Variants in PTK2 observed in about 807,000 individuals in gnomAD.
PTK2 encodes the protein protein tyrosine kinase 2, also known as focal adhesion kinase 1.
In PTK2, 45 loss-of-function variants were observed where a neutral mutation model predicts 150.1. The observed-to-expected ratio is 0.30, with a 90% CI of 0.24 to 0.38. The LOEUF (loss-of-function observed/expected upper bound fraction) is 0.38. PTK2 is among the 10% of genes least tolerant of loss of function. PTK2 has a pLI of 1.00. For synonymous variants in PTK2, 432 were observed against 449.2 expected (o/e 0.96, Z 0.48); for missense variants, 919 against 1,307.3 (o/e 0.70, Z 4.58).
At chr8:140,800,568 T>C (rs560371146) in exon 12 of PTK2, 9 of 1,612,106 alleles carry the variant, frequency 5.6e-6, no homozygotes, top group African/African-American at 5.3e-5. Context: ...GTGCCGTCAC[T>C]GTCAGAGGCT....
At chr8:140,862,797 G>A (rs1486773183) in intron 5 of PTK2, among the ~76,000 whole-genome samples, 1 of 152,164 alleles carries the variant, frequency 6.6e-6, no homozygotes, top group African/African-American at 2.4e-5. Flanking sequence ...CTGATGATCT[G>A]AGGTCAAACA....
At position 140,715,714 on chromosome 8, in the gene PTK2, C is replaced by A. The variant is rs541989189; in HGVS notation, c.2142+1884G>T. Among the ~76,000 whole-genome samples the A allele has an allele frequency of 4.5e-4, 68 of 151,890 alleles. No homozygotes were observed. The South Asian group carries it at 9.0e-3, about 20-fold the overall frequency. ...CTCATCTGTTTACTTAACAAATAAA[C>A]CTTTGTGTAGAGTGCAGCAATCTGC... On this transcript the variant is annotated intron_variant, in intron 23 of 31. Coordinates refer to ENST00000522684, the Ensembl canonical transcript of PTK2.
chr8:140,864,554 A>C (rs1411556197), intron 4 of PTK2, among the ~76,000 whole-genome samples, 155 bp from the exon 5 acceptor site: 2 of 152,250 alleles, frequency 1.3e-5, no homozygotes, highest in Admixed American at 1.3e-4. Context: ...TGTAATTTTT[A>C]AACATTTTAG....
chr8:140,807,429 A>G (rs1354373236), intron 10 of PTK2, among the ~76,000 whole-genome samples: 1 of 152,234 alleles, frequency 6.6e-6, no homozygotes, highest in African/African-American at 2.4e-5. Flanking sequence ...AGCACAAGGC[A>G]GCTGCACACA....
intron 3 of PTK2, among the ~76,000 whole-genome samples, chr8:140,888,271 T>C (rs1176858304): frequency 6.6e-6 from 1 of 152,222 alleles, no homozygotes; most frequent in African/African-American, 2.4e-5. Context: ...CACTCATTAA[T>C]TTACAATTAT....
intron 1 of PTK2, chr8:140,954,939 C>T (rs2100180743): frequency 6.6e-6 from 1 of 151,834 alleles, no homozygotes; most frequent in Non-Finnish European, 1.5e-5. Flanking sequence ...CACTGCTTAC[C>T]ATACTTACTG....
In PTK2 at chr8:141,000,127, C is replaced by CACACACACACACACACACACACACACA. The variant is rs58481152; in HGVS notation, c.-122+997_-122+998insTGTGTGTGTGTGTGTGTGTGTGTGTGT. Among the ~76,000 whole-genome samples the CACACACACACACACACACACACACACA allele has an allele frequency of 3.8e-3, 468 of 123,776 alleles. 6 individuals carry two copies. The highest frequency in any genetic ancestry group is 4.4e-3 in the African/African-American group (153 of 35,064). 81.2% of individuals were successfully genotyped at this position (123,776 alleles called of 152,430 possible). ...CACACACACACACACACACACACAC[C>CACACACACACACACACACACACACACA]CCTTCTTCTAAGAAAGAACAGGATG... On this transcript the variant is annotated intron_variant, in intron 1 of 31. Transcript: ENST00000522684.
chr8:140,719,473 G>A (rs1356089093), intron 22 of PTK2, among the ~76,000 whole-genome samples: 4 of 152,030 alleles, frequency 2.6e-5, no homozygotes, highest in African/African-American at 9.7e-5. Flanking sequence ...AGGAGCAGAG[G>A]GGTCCTGAGA....
At chr8:140,664,987 A>C (rs2088653351) in exon 31 of PTK2, 1 of 1,613,812 alleles carries the variant, frequency 6.2e-7, no homozygotes, top group African/African-American at 1.3e-5. Flanking sequence ...CCTCAGGGCC[A>C]AGCCGACTTC....
At chr8:140,742,078 A>C (rs2100056040) in intron 20 of PTK2, among the ~76,000 whole-genome samples, 1 of 152,054 alleles carries the variant, frequency 6.6e-6, no homozygotes. Context: ...CGAGACTGTA[A>C]TGAGCCATGT....
rs73371810 is a variant in PTK2, at chr8:140,772,736, T to C, written c.1178-8446A>G. 5.8e-3 allele frequency among the ~76,000 whole-genome samples: 875 copies of C among 151,968 alleles called. 11 individuals are homozygous for C. The highest frequency in any genetic ancestry group is 0.02 in the African/African-American group (836 of 41,450). On this transcript the variant is annotated intron_variant, in intron 14 of 31. Transcript: ENST00000522684. ...AACAACAACAACAACAAAAAACCCA[T>C]AGAGTGATAAAGCAAGTGAGCCAAA... is the stretch of plus-strand genomic sequence containing the variant.
chr8:140,670,021 A>G, intron 29 of PTK2: 2 of 400,194 alleles, frequency 5.0e-6, no homozygotes, highest in Admixed American at 4.3e-5. Flanking sequence ...CCGAGGAACA[A>G]TCCAGCAGCA....
Position 140,789,541 on chromosome 8 carries a change from A to AATT in PTK2, c.1125-16_1125-15insAAT, listed in dbSNP as rs2100087191. 2 of 1,611,714 alleles carry AATT rather than the reference A, an allele frequency of 1.2e-6. No individual in the cohort carries two copies. Among genetic ancestry groups the AATT allele is most frequent in the African/African-American group, 2.7e-5 (2 of 74,860 alleles). On this transcript the variant is annotated splice_polypyrimidine_tract_variant and intron_variant, in intron 13 of 31. Transcript: ENST00000522684. ...TGTTGGCCAACCTGTGACAGACAAGAGCAAAGCTGTAAGCCCTGCAATTTC... is the reference window on the plus strand; with the variant it reads ...TGTTGGCCAACCTGTGACAGACAAGAATTGCAAAGCTGTAAGCCCTGCAATTTC...
intron 2 of PTK2, among the ~76,000 whole-genome samples, chr8:140,912,128 A>G (rs1474965676): frequency 6.6e-6 from 1 of 152,158 alleles, no homozygotes; most frequent in Non-Finnish European, 1.5e-5. Context: ...CTGTAGTCCC[A>G]GCTACTCAGG....
intron 17 of PTK2, 33 bp downstream of exon 20, chr8:140,752,199 A>G (rs2100063117): frequency 1.3e-6 from 2 of 1,542,280 alleles, no homozygotes; most frequent in Admixed American, 1.7e-5. Flanking sequence ...TAGAAAGTCA[A>G]ATGGAGTTCC....
intron 1 of PTK2, among the ~76,000 whole-genome samples, chr8:140,935,703 T>C (rs1603411626): frequency 1.9e-4 from 2 of 10,662 alleles, no homozygotes; most frequent in African/African-American, 2.1e-4. Flanking sequence ...TGTCCTCATC[T>C]TTTTTTTTTT....
In PTK2 at chr8:140,964,625, G is replaced by A. The variant is rs1022424674; in HGVS notation, c.-122+36500C>T. Among the ~76,000 whole-genome samples the A allele has an allele frequency of 4.2e-5, 6 of 144,518 alleles. No individual in the cohort carries two copies. In the Admixed American group the frequency reaches 4.4e-4, roughly 10 times the overall value. 94.8% of individuals were successfully genotyped at this position (144,518 alleles called of 152,430 possible). A position where few individuals can be genotyped will look rare whatever the true frequency, so the allele number is the denominator to read the frequency against. ...TACCCAGGCTGGTCTCAAACTCCTGGACTCAAGAGATCCACCCGTCTTGGC... is the reference window on the plus strand; with the variant it reads ...TACCCAGGCTGGTCTCAAACTCCTGAACTCAAGAGATCCACCCGTCTTGGC... On this transcript the variant is annotated intron_variant, in intron 1 of 31. Coordinates refer to ENST00000522684, the Ensembl canonical transcript of PTK2.
At chr8:140,719,423 T>TG (rs1228206526) in intron 22 of PTK2, among the ~76,000 whole-genome samples, 1 of 152,024 alleles carries the variant, frequency 6.6e-6, no homozygotes, top group African/African-American at 2.4e-5. Context: ...AGGTGAGTCC[T>TG]GGTGAGTGGT....
chr8:140,688,653 G>A (rs1437343073), intron 26 of PTK2, among the ~76,000 whole-genome samples: 1 of 152,178 alleles, frequency 6.6e-6, no homozygotes, highest in Non-Finnish European at 1.5e-5. Context: ...CCAGGAGTTT[G>A]AGGCTGTAGT....
Sources: gnomAD v4.1 joint callset for allele counts (sites outside exome capture counted in the v4.1 genomes callset) on GRCh38, gnomAD v4.1.1 for gene constraint, MANE v1.5 for transcripts, NCBI Gene and HGNC (gene_info 2026-07-23, HGNC 2026-07-21) for gene names.